FILIP1L: variants seen among roughly 807,000 people sequenced by gnomAD.
FILIP1L encodes the protein filamin A interacting protein 1 like.
A neutral mutation model predicts 96.6 loss-of-function variants in FILIP1L; 55 were observed. The observed-to-expected ratio is 0.57, with a 90% CI of 0.46 to 0.71. The LOEUF is 0.71. Ranked by LOEUF, FILIP1L falls within the 30% of genes least tolerant of loss-of-function variation. The pLI is 0.00. For synonymous variants in FILIP1L, 467 were observed against 473.9 expected (o/e 0.99, Z 0.19); for missense variants, 1,304 against 1,321.2 (o/e 0.99, Z 0.20).
At chr3:100,095,786 T>G (rs952260489) in intron 1 of FILIP1L, among the ~76,000 whole-genome samples, 1 of 152,026 alleles carries the variant, frequency 6.6e-6, no homozygotes, top group African/African-American at 2.4e-5. Context: ...CACATCAACT[T>G]AAAAAGCTTC....
intron 4 of FILIP1L, among the ~76,000 whole-genome samples, chr3:99,884,265 C>T (rs1235220482): frequency 6.6e-6 from 1 of 152,116 alleles, no homozygotes. Flanking sequence ...CTTCTTTCTC[C>T]TTGTCTTCTC....
At chr3:99,973,036 T>C (rs1477067032) in intron 1 of FILIP1L, among the ~76,000 whole-genome samples, 1 of 152,160 alleles carries the variant, frequency 6.6e-6, no homozygotes, top group Admixed American at 6.5e-5. Context: ...TCCCCTTTTA[T>C]CTGTTCACAA....
At chr3:99,965,932 G>A (rs547740084) in intron 1 of FILIP1L, among the ~76,000 whole-genome samples, 6 of 152,074 alleles carry the variant, frequency 3.9e-5, no homozygotes, top group East Asian at 1.9e-4. Context: ...CTCCTGTCCC[G>A]CCTGCCACCA....
At chr3:99,839,254 CT>C (rs1370651317) in intron 5 of FILIP1L, among the ~76,000 whole-genome samples, 11 of 152,168 alleles carry the variant, frequency 7.2e-5, no homozygotes, top group Non-Finnish European at 1.5e-4. Flanking sequence ...TCTTAGTTAC[CT>C]TTTAAGCTAC....
chr3:99,869,200 C>CA (rs1376591409), intron 4 of FILIP1L, among the ~76,000 whole-genome samples: 2 of 152,146 alleles, frequency 1.3e-5, no homozygotes, highest in African/African-American at 4.8e-5. Context: ...CACTTGGAGA[C>CA]AAATTTAATT....
At chr3:99,942,187 C>T (rs936474586) in intron 1 of FILIP1L, among the ~76,000 whole-genome samples, 1 of 150,642 alleles carries the variant, frequency 6.6e-6, no homozygotes, top group South Asian at 2.1e-4. Flanking sequence ...GGGTGAGAGA[C>T]CAAGACTCCA....
intron 1 of FILIP1L, among the ~76,000 whole-genome samples, chr3:100,035,149 GATT>G (rs1424987018): frequency 6.6e-6 from 1 of 152,074 alleles, no homozygotes; most frequent in Non-Finnish European, 1.5e-5. Context: ...TGCTTTCTAG[GATT>G]ATTAGCAATT....
chr3:99,927,597 G>T (rs538768778), intron 3 of FILIP1L, among the ~76,000 whole-genome samples: 2 of 152,200 alleles, frequency 1.3e-5, no homozygotes, highest in South Asian at 2.1e-4. Flanking sequence ...TCGAATTCCC[G>T]ACCTCAGGTG....
At chr3:99,944,917 C>A (rs977583813) in intron 1 of FILIP1L, among the ~76,000 whole-genome samples, 1 of 152,274 alleles carries the variant, frequency 6.6e-6, no homozygotes, top group Non-Finnish European at 1.5e-5. Context: ...GTCAAATCTG[C>A]GATGAAGGCA....
chr3:99,908,275 T>C (rs1029088733), intron 4 of FILIP1L, among the ~76,000 whole-genome samples: 12 of 152,226 alleles, frequency 7.9e-5, no homozygotes, highest in Non-Finnish European at 1.6e-4. Flanking sequence ...AGAAGAGGTA[T>C]ATGTGGAAAA....
intron 5 of FILIP1L, chr3:99,847,780 A>G (rs913627167): frequency 1.6e-5 from 3 of 185,030 alleles, no homozygotes; most frequent in African/African-American, 4.8e-5. Context: ...CTCCTCTAAT[A>G]TGTGATTAGA....
chr3:99,901,592 A>T (rs191146762), intron 4 of FILIP1L, among the ~76,000 whole-genome samples: 48 of 152,338 alleles, frequency 3.2e-4, no homozygotes, highest in African/African-American at 1.2e-3. Flanking sequence ...GCTGACAATA[A>T]TATTACATAG....
chr3:99,885,130 T>C (rs938916809), intron 4 of FILIP1L, among the ~76,000 whole-genome samples: 11 of 152,240 alleles, frequency 7.2e-5, no homozygotes, highest in Non-Finnish European at 1.3e-4. Flanking sequence ...CTGATTTCTT[T>C]TTGAACATAA....
intron 1 of FILIP1L, among the ~76,000 whole-genome samples, chr3:99,968,729 G>A (rs1228654684): frequency 6.6e-6 from 1 of 152,208 alleles, no homozygotes; most frequent in Non-Finnish European, 1.5e-5. Flanking sequence ...AAGAAAAAAT[G>A]AGAGGAGAGA....
intron 5 of FILIP1L, chr3:99,847,807 G>A: frequency 3.5e-6 from 1 of 286,876 alleles, no homozygotes; most frequent in Non-Finnish European, 5.2e-6. Context: ...CCATAAATGG[G>A]ACATAGGTCC....
chr3:99,935,974 C>T (rs1707653306), intron 1 of FILIP1L, among the ~76,000 whole-genome samples: 1 of 152,212 alleles, frequency 6.6e-6, no homozygotes, highest in Admixed American at 6.5e-5. Flanking sequence ...AGCAGCCCCT[C>T]AGCCAATTAC....
chr3:99,948,001 A>G (rs1260209935), intron 1 of FILIP1L, among the ~76,000 whole-genome samples: 1 of 152,258 alleles, frequency 6.6e-6, no homozygotes. Flanking sequence ...CAAAATTAAA[A>G]GCAGAGCTGT....
intron 1 of FILIP1L, among the ~76,000 whole-genome samples, chr3:100,055,192 C>T (rs2065444319): frequency 6.6e-6 from 1 of 152,196 alleles, no homozygotes; most frequent in Non-Finnish European, 1.5e-5. Flanking sequence ...CTACTCTTAT[C>T]AATTTCTTCG....
chr3:99,893,457 G>A (rs1284805890), intron 4 of FILIP1L, among the ~76,000 whole-genome samples: 1 of 151,988 alleles, frequency 6.6e-6, no homozygotes. Flanking sequence ...GAGCCACCTC[G>A]CCCAGCCGGC....
Sources: gnomAD v4.1 joint callset for allele counts (sites outside exome capture counted in the v4.1 genomes callset) on GRCh38, gnomAD v4.1.1 for gene constraint, MANE v1.5 for transcripts, NCBI Gene and HGNC (gene_info 2026-07-23, HGNC 2026-07-21) for gene names.